SGCZ: variants seen among roughly 807,000 people sequenced by gnomAD.
SGCZ encodes the protein zeta-sarcoglycan.
A neutral mutation model predicts 41.3 loss-of-function variants in SGCZ; 40 were observed. The ratio of observed to expected loss-of-function variants is 0.97; its 90% confidence interval spans 0.75 to 1.26. The LOEUF is 1.26. Ranked by LOEUF, SGCZ falls within the 50% of genes most tolerant of loss-of-function variation. The pLI, the probability that SGCZ is intolerant of heterozygous loss-of-function variation, is 0.00. For missense variants in SGCZ, 552 were observed against 369.8 expected, an observed-to-expected ratio of 1.49 and a Z score of -4.04; for synonymous variants, 206 against 137.5, an observed-to-expected ratio of 1.50 and a Z score of -3.49.
intron 1 of SGCZ, among the ~76,000 whole-genome samples, chr8:15,192,906 T>C (rs1408129683): frequency 6.6e-6 from 1 of 152,094 alleles, no homozygotes; most frequent in East Asian, 1.9e-4. Context: ...TAAAAAAATA[T>C]ATTGGACTAA....
chr8:14,764,988 G>A (rs762443589), intron 1 of SGCZ, among the ~76,000 whole-genome samples: 5 of 152,058 alleles, frequency 3.3e-5, no homozygotes, highest in African/African-American at 7.2e-5. Flanking sequence ...TTTAACTTTC[G>A]TAGAGCTTTA....
chr8:14,449,743 G>A (rs565428177), intron 2 of SGCZ, among the ~76,000 whole-genome samples: 6 of 152,184 alleles, frequency 3.9e-5, no homozygotes, highest in African/African-American at 1.4e-4. Context: ...TTGACCAGAT[G>A]CTAATTGTGG....
chr8:14,097,445 C>T (rs1036101123), intron 7 of SGCZ, among the ~76,000 whole-genome samples: 2 of 152,158 alleles, frequency 1.3e-5, no homozygotes, highest in Non-Finnish European at 2.9e-5. Flanking sequence ...TTTGATTGCA[C>T]TGTGGTCTGA....
At chr8:14,863,073 G>A (rs899977530) in intron 1 of SGCZ, among the ~76,000 whole-genome samples, 1 of 151,996 alleles carries the variant, frequency 6.6e-6, no homozygotes, top group African/African-American at 2.4e-5. Flanking sequence ...TTCATCGCTC[G>A]GTTATGTATC....
At chr8:14,222,792 ATTTTTTTTTTTTTTTTTTT>A (rs775444301) in intron 4 of SGCZ, among the ~76,000 whole-genome samples, 10 of 48,854 alleles carry the variant, frequency 2.0e-4, no homozygotes, top group African/African-American at 9.1e-4. Flanking sequence ...AGTCACAGTG[ATTTTTTTTTTTTTTTTTTT>A]TTTTTTTTTT....
chr8:14,807,762 C>T (rs1801593538), intron 1 of SGCZ, among the ~76,000 whole-genome samples: 3 of 151,924 alleles, frequency 2.0e-5, no homozygotes, highest in South Asian at 4.2e-4. Context: ...AAAAAGAGCC[C>T]GCATCACCAA....
chr8:15,115,398 T>C (rs1441373415), intron 1 of SGCZ, among the ~76,000 whole-genome samples: 1 of 152,200 alleles, frequency 6.6e-6, no homozygotes. Context: ...GTTGGAAAAC[T>C]GGATGTACAT....
At chr8:14,486,851 T>G (rs974224954) in intron 2 of SGCZ, among the ~76,000 whole-genome samples, 5 of 152,234 alleles carry the variant, frequency 3.3e-5, no homozygotes, top group African/African-American at 4.8e-5. Flanking sequence ...AGTTAATTAT[T>G]AAGGTGCAAA....
At position 15,097,290 on chromosome 8, in the gene SGCZ, A is replaced by G. The variant is rs75589875; in HGVS notation, c.39+140295T>C. On this transcript the variant is annotated intron_variant, in intron 1 of 7. Coordinates refer to ENST00000382080, the MANE Select transcript of SGCZ (RefSeq NM_139167.4). ...GTAGAATGCCTTTATAATCTTATAT[A>G]TTTACTCTAATGCAAAAAGACTTAG... Among the ~76,000 whole-genome samples the G allele has an allele frequency of 6.7e-3, 1,019 of 152,216 alleles. 11 individuals are homozygous for G. Among genetic ancestry groups the G allele is most frequent in the African/African-American group, 0.023 (970 of 41,524 alleles).
At chr8:14,104,569 A>G (rs1802143435) in intron 6 of SGCZ, among the ~76,000 whole-genome samples, 1 of 152,152 alleles carries the variant, frequency 6.6e-6, no homozygotes, top group South Asian at 2.1e-4. Context: ...AAACAGAAAG[A>G]AAGAGAGGGA....
At chr8:15,082,432 G>T (rs1361773562) in intron 1 of SGCZ, among the ~76,000 whole-genome samples, 1 of 106,362 alleles carries the variant, frequency 9.4e-6, no homozygotes, top group Non-Finnish European at 2.3e-5. Context: ...ATGTGTGTGT[G>T]TATATCTCTA....
At chr8:14,184,629 T>A (rs1350172602) in intron 4 of SGCZ, among the ~76,000 whole-genome samples, 1 of 152,212 alleles carries the variant, frequency 6.6e-6, no homozygotes, top group Non-Finnish European at 1.5e-5. Context: ...ACTAGAGGCA[T>A]CACAGTCAAG....
intron 3 of SGCZ, among the ~76,000 whole-genome samples, chr8:14,251,056 C>A (rs148881837): frequency 0.012 from 1,897 of 152,116 alleles, 54 homozygotes; most frequent in African/African-American, 0.044. Flanking sequence ...GGCGAAACCC[C>A]GTCTCTACTT....
At chr8:14,551,577 T>TA (rs1803858420) in intron 2 of SGCZ, among the ~76,000 whole-genome samples, 1 of 36,768 alleles carries the variant, frequency 2.7e-5, no homozygotes, top group South Asian at 6.0e-4. Context: ...ATAATATATA[T>TA]ATAATATATA....
intron 6 of SGCZ, 87 bp downstream of exon 6, chr8:14,108,076 G>A (rs2117000356): frequency 2.2e-6 from 2 of 916,372 alleles, no homozygotes; most frequent in East Asian, 2.5e-5. Context: ...AGAAACATTT[G>A]TCTAGTTGTC....
intron 1 of SGCZ, 50 bp from the exon 2 acceptor site, chr8:14,554,976 T>C: frequency 6.8e-7 from 1 of 1,470,512 alleles, no homozygotes; most frequent in South Asian, 1.4e-5. Flanking sequence ...AAAAGAAGCA[T>C]TAAAAAAAAT....
In SGCZ at chr8:14,707,531, C is replaced by T. The variant is rs946743142; in HGVS notation, c.40-152605G>A. Among the ~76,000 whole-genome samples the T allele has an allele frequency of 9.2e-5, 14 of 152,088 alleles. 1 individual carries two copies. Among genetic ancestry groups the T allele is most frequent in the Non-Finnish European group, 1.2e-4 (8 of 68,008 alleles). Reference sequence around the variant, plus strand: ...AAAAAACAAAAGAACCTCAAATCTACGTCTATAAAAGACTGAATGGTGGGC... The same window carrying T: ...AAAAAACAAAAGAACCTCAAATCTATGTCTATAAAAGACTGAATGGTGGGC... On this transcript the variant is annotated intron_variant, in intron 1 of 7. Transcript: ENST00000382080.
chr8:14,406,605 T>A (rs909683731), intron 2 of SGCZ, among the ~76,000 whole-genome samples: 1 of 151,990 alleles, frequency 6.6e-6, no homozygotes, highest in Admixed American at 6.6e-5. Context: ...GGGCACTAGA[T>A]CAAATTGAGG....
chr8:15,016,796 G>T (rs1803054029), intron 1 of SGCZ, among the ~76,000 whole-genome samples: 1 of 152,162 alleles, frequency 6.6e-6, no homozygotes, highest in African/African-American at 2.4e-5. Context: ...GCCAGCATCT[G>T]CTTCTGGTGA....
Sources: gnomAD v4.1 joint callset for allele counts (sites outside exome capture counted in the v4.1 genomes callset) on GRCh38, gnomAD v4.1.1 for gene constraint, MANE v1.5 for transcripts, NCBI Gene and HGNC (gene_info 2026-07-23, HGNC 2026-07-21) for gene names.